The following STX8 variants were observed in gnomAD, a reference collection of about 807,000 sequenced individuals.
STX8 encodes the protein syntaxin 8, also known as syntaxin-8.
Under a neutral mutation model 37.5 loss-of-function variants are expected in STX8, and 23 were observed. The ratio of observed to expected loss-of-function variants is 0.61; its 90% CI spans 0.44 to 0.87. The LOEUF is 0.87. Among genes scored for constraint, STX8 ranks in the 40% least tolerant of loss-of-function variants. The pLI is 0.00. For missense variants in STX8, 313 were observed against 284.7 expected (o/e 1.10, Z -0.71); for synonymous variants, 115 against 99.1 (o/e 1.16, Z -0.95).
intron 7 of STX8, among the ~76,000 whole-genome samples, chr17:9,319,044 A>C (rs1157907571): frequency 1.3e-5 from 2 of 152,176 alleles, no homozygotes; most frequent in African/African-American, 4.8e-5. Flanking sequence ...TAAATGAATA[A>C]ATACATTCCC....
chr17:9,406,171 A>G (rs1004171029), intron 6 of STX8, among the ~76,000 whole-genome samples: 2 of 152,242 alleles, frequency 1.3e-5, no homozygotes, highest in African/African-American at 4.8e-5. Context: ...CTTAGTCTGC[A>G]GTACATGGCA....
intron 2 of STX8, among the ~76,000 whole-genome samples, chr17:9,560,746 G>GGT (rs1475727632): frequency 3.8e-5 from 3 of 79,946 alleles, no homozygotes; most frequent in African/African-American, 9.4e-5. Context: ...AGCACAGTTT[G>GGT]GTTTTTTTTT....
At chr17:9,300,697 G>A (rs1252863959) in intron 7 of STX8, among the ~76,000 whole-genome samples, 1 of 152,082 alleles carries the variant, frequency 6.6e-6, no homozygotes, top group African/African-American at 2.4e-5. Context: ...TTTCCAAGTA[G>A]ACAACTGGAA....
chr17:9,329,050 CAAAAAAAAAAA>C (rs998679728), intron 7 of STX8, among the ~76,000 whole-genome samples: 190 of 27,964 alleles, frequency 6.8e-3, no homozygotes, highest in African/African-American at 0.011. Flanking sequence ...GATTCCATCT[CAAAAAAAAAAA>C]AAAAAAAAAA....
intron 7 of STX8, among the ~76,000 whole-genome samples, chr17:9,269,953 T>A (rs1252385692): frequency 6.6e-6 from 1 of 152,230 alleles, no homozygotes; most frequent in African/African-American, 2.4e-5. Context: ...CTATGCTGCT[T>A]CTGTATACTA....
At chr17:9,301,111 C>A (rs998116462) in intron 7 of STX8, among the ~76,000 whole-genome samples, 1 of 152,086 alleles carries the variant, frequency 6.6e-6, no homozygotes, top group African/African-American at 2.4e-5. Flanking sequence ...GGATTACAGA[C>A]GTGAGCCACC....
chr17:9,385,777 T>G (rs1054297059), intron 6 of STX8, among the ~76,000 whole-genome samples: 2 of 152,206 alleles, frequency 1.3e-5, no homozygotes, highest in Non-Finnish European at 2.9e-5. Flanking sequence ...TTTTTTGTTT[T>G]TTGTTTTTTG....
chr17:9,336,458 T>C (rs936427925), intron 7 of STX8, among the ~76,000 whole-genome samples: 9 of 151,852 alleles, frequency 5.9e-5, no homozygotes, highest in Middle Eastern at 3.4e-3. Context: ...TTTCTTGAGA[T>C]GGAGTCTCAC....
At chr17:9,382,168 C>G (rs898205980) in intron 6 of STX8, among the ~76,000 whole-genome samples, 1 of 134,704 alleles carries the variant, frequency 7.4e-6, no homozygotes, top group African/African-American at 3.4e-5. Flanking sequence ...ACCAAGAAAA[C>G]ACTCACACAC....
At chr17:9,494,177 G>A (rs1029251898) in intron 5 of STX8, among the ~76,000 whole-genome samples, 2 of 151,470 alleles carry the variant, frequency 1.3e-5, no homozygotes, top group South Asian at 2.1e-4. Flanking sequence ...CACCACGCCC[G>A]GCTAATTTTT....
intron 6 of STX8, among the ~76,000 whole-genome samples, chr17:9,433,717 G>T (rs193170323): frequency 1.3e-5 from 2 of 152,070 alleles, no homozygotes; most frequent in Non-Finnish European, 1.5e-5. Context: ...GGGGAAGGGA[G>T]GGTGGGAATC....
chr17:9,306,504 C>T (rs1461935267), intron 7 of STX8, among the ~76,000 whole-genome samples: 1 of 150,528 alleles, frequency 6.6e-6, no homozygotes, highest in Non-Finnish European at 1.5e-5. Flanking sequence ...AATCCCAGCA[C>T]TTTGGGAGAC....
chr17:9,301,655 T>G (rs1034026111), intron 7 of STX8, among the ~76,000 whole-genome samples: 34 of 88,774 alleles, frequency 3.8e-4, no homozygotes, highest in Non-Finnish European at 5.2e-4. Flanking sequence ...GCCATTTTTG[T>G]TTTTTTTTTT....
At chr17:9,419,906 CA>C (rs2142348721) in intron 6 of STX8, among the ~76,000 whole-genome samples, 1 of 152,306 alleles carries the variant, frequency 6.6e-6, no homozygotes, top group African/African-American at 2.4e-5. Context: ...TTTCTTTTGG[CA>C]TAGGCTAACT....
intron 5 of STX8, among the ~76,000 whole-genome samples, chr17:9,502,129 T>C (rs1440196914): frequency 6.6e-6 from 1 of 152,212 alleles, no homozygotes; most frequent in African/African-American, 2.4e-5. Context: ...GCAACCATTA[T>C]GGAAAACAGT....
chr17:9,438,374 T>G (rs1904516611), intron 6 of STX8, among the ~76,000 whole-genome samples: 1 of 134,596 alleles, frequency 7.4e-6, no homozygotes, highest in Non-Finnish European at 1.5e-5. Context: ...GACCAGCAAC[T>G]CTGGCATCGT....
At chr17:9,349,319 T>TC (rs1246630266) in intron 7 of STX8, among the ~76,000 whole-genome samples, 4 of 143,662 alleles carry the variant, frequency 2.8e-5, no homozygotes, top group Non-Finnish European at 6.0e-5. Context: ...TTCTTTTCTT[T>TC]TTTTTTTTTT....
chr17:9,321,601 C>A (rs1909580514), intron 7 of STX8, among the ~76,000 whole-genome samples: 1 of 152,020 alleles, frequency 6.6e-6, no homozygotes, highest in African/African-American at 2.4e-5. Context: ...CTCACTGCAA[C>A]CTCCGCCTCC....
chr17:9,571,169 G>A (rs999395029), intron 1 of STX8, among the ~76,000 whole-genome samples: 1 of 152,104 alleles, frequency 6.6e-6, no homozygotes, highest in Admixed American at 6.5e-5. Context: ...AATGCACACA[G>A]CTAGCACAAA....
Sources: allele counts gnomAD v4.1 joint callset (sites outside exome capture counted in the v4.1 genomes callset), GRCh38; gene constraint gnomAD v4.1.1; transcripts MANE v1.5; gene names NCBI Gene and HGNC (gene_info 2026-07-23, HGNC 2026-07-21).